The following ITGBL1 variants were observed in gnomAD, a reference collection of about 807,000 sequenced individuals.
ITGBL1 encodes integrin subunit beta like 1.
A neutral mutation model predicts 68.5 loss-of-function variants in ITGBL1; 51 were observed. That is an observed-to-expected ratio of 0.74 (90% CI 0.59 to 0.94). The LOEUF is 0.94. ITGBL1 is among the 40% of genes least tolerant of loss of function. The pLI is 0.00. For missense variants in ITGBL1, 649 were observed against 647.4 expected (o/e 1.00, Z -0.03); for synonymous variants, 209 against 227.3 (o/e 0.92, Z 0.72).
intron 2 of ITGBL1, among the ~76,000 whole-genome samples, chr13:101,507,929 C>A (rs913464947): frequency 1.5e-4 from 23 of 152,078 alleles, no homozygotes; most frequent in African/African-American, 4.3e-4. Flanking sequence ...GGCACCAAAC[C>A]TTTTCTTGTG....
intron 2 of ITGBL1, among the ~76,000 whole-genome samples, chr13:101,498,191 T>C (rs933383689): frequency 6.6e-6 from 1 of 152,184 alleles, no homozygotes; most frequent in African/African-American, 2.4e-5. Flanking sequence ...TCATATAGCT[T>C]CTATTGGGAG....
chr13:101,595,615 C>T (rs947299618), intron 6 of ITGBL1, among the ~76,000 whole-genome samples: 3 of 152,036 alleles, frequency 2.0e-5, no homozygotes, highest in African/African-American at 7.2e-5. Context: ...CTTAACATCA[C>T]TAATAGGGAA....
chr13:101,457,721 CAGG>C (rs1321188501), intron 2 of ITGBL1, among the ~76,000 whole-genome samples: 2 of 152,056 alleles, frequency 1.3e-5, no homozygotes, highest in Non-Finnish European at 2.9e-5. Context: ...GAGGCTGAGG[CAGG>C]AGAATTGCTT....
At chr13:101,676,816 T>C (rs2033515096) in intron 7 of ITGBL1, among the ~76,000 whole-genome samples, 1 of 152,206 alleles carries the variant, frequency 6.6e-6, no homozygotes, top group Non-Finnish European at 1.5e-5. Flanking sequence ...TATAAGATAT[T>C]ATTTAAATTA....
In ITGBL1 at chr13:101,504,063, A is replaced by G. The variant is rs575910085; in HGVS notation, c.316+49963A>G. Among the ~76,000 whole-genome samples, 28 of 152,318 alleles carry G rather than the reference A, an allele frequency of 1.8e-4. 1 individual carries two copies. The South Asian group carries it at 5.8e-3, about 32-fold the overall frequency. ...ATGTCCTTCAATCTGTAAAAGATAA[A>G]GGCAATTAAAAAATGAACTGTAAAT... On this transcript the variant is annotated intron_variant, in intron 2 of 10. Coordinates refer to ENST00000376180, the MANE Select transcript of ITGBL1 (RefSeq NM_004791.3).
intron 7 of ITGBL1, among the ~76,000 whole-genome samples, chr13:101,670,733 G>A (rs138129690): frequency 6.6e-6 from 1 of 152,122 alleles, no homozygotes; most frequent in South Asian, 2.1e-4. Flanking sequence ...TGAAGGATGT[G>A]TCTCTCATCT....
At chr13:101,613,670 AAGTC>A (rs1185390890) in intron 7 of ITGBL1, among the ~76,000 whole-genome samples, 1 of 152,128 alleles carries the variant, frequency 6.6e-6, no homozygotes, top group East Asian at 1.9e-4. Context: ...AAGGAGATGT[AAGTC>A]AGGTGGGCTT....
At chr13:101,626,750 G>A (rs1180942122) in intron 7 of ITGBL1, among the ~76,000 whole-genome samples, 3 of 152,146 alleles carry the variant, frequency 2.0e-5, no homozygotes, top group Non-Finnish European at 4.4e-5. Flanking sequence ...TGATGTTAAT[G>A]TGCCAATTCT....
chr13:101,481,093 T>TATAC (rs2048616053), intron 2 of ITGBL1, among the ~76,000 whole-genome samples: 2 of 150,834 alleles, frequency 1.3e-5, no homozygotes, highest in East Asian at 2.0e-4. Context: ...CACATATATA[T>TATAC]ACACACACGT....
In ITGBL1 at chr13:101,454,054, G is replaced by C; in HGVS notation, c.270G>C (p.Glu90Asp). The C allele has an allele frequency of 6.3e-7, 1 of 1,592,214 alleles. No individual in the cohort carries two copies. Among genetic ancestry groups the C allele is most frequent in the Non-Finnish European group, 8.5e-7 (1 of 1,169,704 alleles). The change falls in exon 2 of 11, where the codon GAG (glutamate) becomes GAC (aspartate). Residue 90 changes from glutamate (E) to aspartate (D), a missense_variant. Transcript: ENST00000376180. Reference sequence around the variant, plus strand: ...GCATGTTCTTCGGGCCCCTGTGTGAGTGCCATGAGTGGGTGTGCGAGACCT... The same window carrying C: ...GCATGTTCTTCGGGCCCCTGTGTGACTGCCATGAGTGGGTGTGCGAGACCT... ...EPGMFFGPLC[E>D]CHEWVCETYD...
At chr13:101,674,322 C>T (rs1014886256) in intron 7 of ITGBL1, among the ~76,000 whole-genome samples, 1 of 152,132 alleles carries the variant, frequency 6.6e-6, no homozygotes, top group African/African-American at 2.4e-5. Context: ...CTCACTTTAC[C>T]TTTAAAAACC....
chr13:101,683,947 A>G (rs1348221419), intron 7 of ITGBL1, among the ~76,000 whole-genome samples: 1 of 151,950 alleles, frequency 6.6e-6, no homozygotes, highest in Non-Finnish European at 1.5e-5. Flanking sequence ...AGAGTTCTTT[A>G]AATAGTTTGG....
chr13:101,503,747 G>C (rs1010348684), intron 2 of ITGBL1, among the ~76,000 whole-genome samples: 2 of 152,206 alleles, frequency 1.3e-5, no homozygotes, highest in Non-Finnish European at 2.9e-5. Context: ...AGCTAAAACT[G>C]TGGGGAAGTG....
At chr13:101,648,480 C>G (rs1245235866) in intron 7 of ITGBL1, among the ~76,000 whole-genome samples, 1 of 152,174 alleles carries the variant, frequency 6.6e-6, no homozygotes, top group Non-Finnish European at 1.5e-5. Context: ...TTAAAGCTTT[C>G]TCCCAGTGAT....
chr13:101,673,656 T>C (rs2033430255), intron 7 of ITGBL1, among the ~76,000 whole-genome samples: 1 of 152,254 alleles, frequency 6.6e-6, no homozygotes, highest in Non-Finnish European at 1.5e-5. Flanking sequence ...AGAATTTTCC[T>C]ATTACTATTA....
At chr13:101,606,355 C>A (rs890760664) in intron 7 of ITGBL1, among the ~76,000 whole-genome samples, 1 of 150,990 alleles carries the variant, frequency 6.6e-6, no homozygotes, top group East Asian at 1.9e-4. Context: ...ATTTCTATAC[C>A]ATATTGGCTG....
chr13:101,513,025 C>A (rs1007230880), intron 2 of ITGBL1, among the ~76,000 whole-genome samples: 60 of 152,026 alleles, frequency 3.9e-4, no homozygotes, highest in Non-Finnish European at 4.4e-5. Flanking sequence ...ATTTTGTCAA[C>A]AACTTTAACT....
intron 2 of ITGBL1, among the ~76,000 whole-genome samples, chr13:101,567,027 CAAT>C (rs769684536): frequency 1.5e-4 from 23 of 152,094 alleles, no homozygotes; most frequent in Non-Finnish European, 3.1e-4. Context: ...AATGTGCAAT[CAAT>C]AAAAACATTA....
At chr13:101,635,093 G>C (rs1396318439) in intron 7 of ITGBL1, among the ~76,000 whole-genome samples, 1 of 151,812 alleles carries the variant, frequency 6.6e-6, no homozygotes, top group African/African-American at 2.4e-5. Flanking sequence ...ATATTATATA[G>C]TCAAAAGAAA....
Sources: gnomAD v4.1 joint callset for allele counts (sites outside exome capture counted in the v4.1 genomes callset) on GRCh38, gnomAD v4.1.1 for gene constraint, MANE v1.5 for transcripts, NCBI Gene and HGNC (gene_info 2026-07-23, HGNC 2026-07-21) for gene names.